Variants in ZNF804B observed in about 807,000 individuals in gnomAD.
The protein encoded by ZNF804B is zinc finger 804B.
Under a neutral mutation model 101.4 loss-of-function variants are expected in ZNF804B, and 80 were observed. The ratio of observed to expected loss-of-function variants is 0.79; its 90% CI spans 0.66 to 0.95. The LOEUF (loss-of-function observed/expected upper bound fraction) is 0.95. Ranked by LOEUF, ZNF804B falls within the 40% of genes least tolerant of loss-of-function variation. ZNF804B has a pLI of 0.00. For synonymous variants in ZNF804B, 622 were observed against 558.8 expected, an observed-to-expected ratio of 1.11 and a Z score of -1.59; for missense variants, 1,673 against 1,561.9, an observed-to-expected ratio of 1.07 and a Z score of -1.20.
chr7:89,194,856 A>C (rs1212833420), intron 1 of ZNF804B, among the ~76,000 whole-genome samples: 2 of 151,920 alleles, frequency 1.3e-5, no homozygotes, highest in Non-Finnish European at 2.9e-5. Context: ...GAAGAAAGTC[A>C]TTGGTTGCTT....
intron 1 of ZNF804B, among the ~76,000 whole-genome samples, chr7:88,838,255 G>A (rs1027301731): frequency 3.3e-5 from 5 of 150,082 alleles, no homozygotes; most frequent in African/African-American, 1.0e-4. Flanking sequence ...TACTATTATA[G>A]CCTCCTTATA....
At chr7:89,135,667 A>C (rs1257148342) in intron 1 of ZNF804B, among the ~76,000 whole-genome samples, 1 of 152,098 alleles carries the variant, frequency 6.6e-6, no homozygotes, top group East Asian at 1.9e-4. Flanking sequence ...GGATGATATT[A>C]AGGTGAAAGC....
At chr7:88,961,482 T>C (rs181352048) in intron 1 of ZNF804B, among the ~76,000 whole-genome samples, 1 of 151,526 alleles carries the variant, frequency 6.6e-6, no homozygotes, top group Admixed American at 6.6e-5. Flanking sequence ...CTTTAGTATT[T>C]TTTCTGCATG....
At chr7:88,830,074 G>C (rs896022092) in intron 1 of ZNF804B, among the ~76,000 whole-genome samples, 1 of 152,076 alleles carries the variant, frequency 6.6e-6, no homozygotes, top group Non-Finnish European at 1.5e-5. Flanking sequence ...GGCAGGATTT[G>C]TTTAGGGAGT....
At chr7:88,901,032 T>C (rs1480995655) in intron 1 of ZNF804B, among the ~76,000 whole-genome samples, 1 of 151,860 alleles carries the variant, frequency 6.6e-6, no homozygotes, top group Non-Finnish European at 1.5e-5. Flanking sequence ...TTAATTTGCT[T>C]TTTCAAGTTA....
At chr7:89,157,173 G>C (rs1280452173) in intron 1 of ZNF804B, among the ~76,000 whole-genome samples, 1 of 152,092 alleles carries the variant, frequency 6.6e-6, no homozygotes, top group Admixed American at 6.6e-5. Context: ...TGTGAATATG[G>C]GATACATTTA....
At chr7:89,169,139 C>T (rs1791188577) in intron 1 of ZNF804B, among the ~76,000 whole-genome samples, 1 of 152,078 alleles carries the variant, frequency 6.6e-6, no homozygotes, top group African/African-American at 2.4e-5. Context: ...GACACCCTGC[C>T]CCATCCGGAG....
chr7:89,115,071 C>A (rs1790287738), intron 1 of ZNF804B, among the ~76,000 whole-genome samples: 1 of 152,066 alleles, frequency 6.6e-6, no homozygotes, highest in African/African-American at 2.4e-5. Context: ...ACATAGTTAA[C>A]AGGGCCCTAA....
At chr7:88,856,912 TTGA>T (rs1791569509) in intron 1 of ZNF804B, among the ~76,000 whole-genome samples, 1 of 152,196 alleles carries the variant, frequency 6.6e-6, no homozygotes, top group African/African-American at 2.4e-5. Flanking sequence ...ATTACGTTTA[TTGA>T]TTTGTGTATG....
At chr7:89,182,818 A>G (rs565171406) in intron 1 of ZNF804B, among the ~76,000 whole-genome samples, 1 of 152,280 alleles carries the variant, frequency 6.6e-6, no homozygotes, top group South Asian at 2.1e-4. Context: ...TTACATCTAG[A>G]GTTACTTTGC....
intron 1 of ZNF804B, among the ~76,000 whole-genome samples, chr7:88,842,543 G>A (rs920625982): frequency 6.6e-6 from 1 of 152,196 alleles, no homozygotes; most frequent in African/African-American, 2.4e-5. Context: ...ACAAATGGCA[G>A]CACTAGAGCT....
At chr7:89,246,355 C>CT (rs375122783) in intron 2 of ZNF804B, among the ~76,000 whole-genome samples, 35 of 152,286 alleles carry the variant, frequency 2.3e-4, no homozygotes, top group African/African-American at 7.5e-4. Flanking sequence ...CAGCAGGCCT[C>CT]TTTCTTTTCC....
chr7:88,793,453 C>G (rs568330201), intron 1 of ZNF804B, among the ~76,000 whole-genome samples: 2 of 152,152 alleles, frequency 1.3e-5, no homozygotes, highest in East Asian at 3.9e-4. Context: ...AATGATGTTG[C>G]ATGGAGTAGC....
chr7:89,319,102 G>T (rs1327341788), intron 2 of ZNF804B, among the ~76,000 whole-genome samples: 2 of 152,048 alleles, frequency 1.3e-5, no homozygotes, highest in African/African-American at 4.8e-5. Flanking sequence ...GGCAGGCCAG[G>T]TGTTCCTTGC....
intron 2 of ZNF804B, among the ~76,000 whole-genome samples, chr7:89,262,887 C>T (rs886312087): frequency 5.9e-5 from 9 of 152,148 alleles, no homozygotes; most frequent in Admixed American, 3.3e-4. Context: ...GGACATTTTA[C>T]GAAACACACT....
chr7:89,233,833 TC>T (rs2115745485), intron 2 of ZNF804B, among the ~76,000 whole-genome samples: 1 of 152,196 alleles, frequency 6.6e-6, no homozygotes, highest in Admixed American at 6.5e-5. Context: ...AGACAGGGTT[TC>T]TCCATGTTGG....
chr7:88,838,052 G>A (rs1583967719), intron 1 of ZNF804B, among the ~76,000 whole-genome samples: 1 of 151,654 alleles, frequency 6.6e-6, no homozygotes, highest in East Asian at 1.9e-4. Context: ...AAATCTTTGG[G>A]ATTTTCAATT....
intron 1 of ZNF804B, among the ~76,000 whole-genome samples, chr7:88,861,182 C>A (rs962564937): frequency 6.6e-6 from 1 of 152,116 alleles, no homozygotes; most frequent in Admixed American, 6.6e-5. Flanking sequence ...ATGAGGATCC[C>A]AGTCTACTAA....
At chr7:88,896,096 G>T (rs544471762) in intron 1 of ZNF804B, among the ~76,000 whole-genome samples, 1 of 152,230 alleles carries the variant, frequency 6.6e-6, no homozygotes, top group South Asian at 2.1e-4. Context: ...GGTGATTAGT[G>T]ATAAGTCATG....
Sources: gnomAD v4.1 joint callset for allele counts (sites outside exome capture counted in the v4.1 genomes callset) on GRCh38, gnomAD v4.1.1 for gene constraint, MANE v1.5 for transcripts, NCBI Gene and HGNC (gene_info 2026-07-23, HGNC 2026-07-21) for gene names.